The following MYO1H variants were observed in gnomAD, a reference collection of about 807,000 sequenced individuals.
MYO1H encodes the protein myosin IH.
Under a neutral mutation model 149.3 loss-of-function variants are expected in MYO1H, and 118 were observed. The ratio of observed to expected loss-of-function variants is 0.79; its 90% confidence interval spans 0.68 to 0.92. The LOEUF (loss-of-function observed/expected upper bound fraction) is 0.92, where lower values mean the gene tolerates loss of function less well. MYO1H is among the 40% of genes least tolerant of loss of function. MYO1H has a pLI of 0.00. For missense variants in MYO1H, 1,212 were observed against 1,280.7 expected (o/e 0.95, Z 0.82); for synonymous variants, 447 against 465.2 (o/e 0.96, Z 0.50).
At chr12:109,344,875 G>A (rs546551125), upstream of MYO1H, among the ~76,000 whole-genome samples, 5 of 152,204 alleles carry the variant, frequency 3.3e-5, no homozygotes, top group Admixed American at 6.5e-5. Context: ...ACTCAATGGG[G>A]GAAAGAATAA....
At chr12:109,375,795 T>C (rs1472391828) in intron 1 of MYO1H, among the ~76,000 whole-genome samples, 1 of 152,018 alleles carries the variant, frequency 6.6e-6, no homozygotes, top group African/African-American at 2.4e-5. Context: ...CTGGGCAATA[T>C]GGCAAAACCC....
intron 14 of MYO1H, among the ~76,000 whole-genome samples, chr12:109,413,716 C>A (rs1398634494): frequency 6.6e-6 from 1 of 152,094 alleles, no homozygotes; most frequent in Non-Finnish European, 1.5e-5. Context: ...TCAAGACCAG[C>A]CTGACCAACA....
chr12:109,392,368 C>T (rs6606706), intron 2 of MYO1H, among the ~76,000 whole-genome samples: 75,483 of 151,754 alleles, frequency 0.5, 19,416 homozygotes, highest in African/African-American at 0.62. Context: ...GCCCTTCCTG[C>T]CTACTTTGTT....
intron 7 of MYO1H, among the ~76,000 whole-genome samples, chr12:109,404,989 T>C (rs1327692741): frequency 6.6e-6 from 1 of 151,910 alleles, no homozygotes; most frequent in African/African-American, 2.4e-5. Flanking sequence ...GGTGGAGAAA[T>C]CACTTGAGGC....
intron 11 of MYO1H, 100 bp downstream of exon 11, chr12:109,409,724 T>A: frequency 9.5e-7 from 1 of 1,048,658 alleles, no homozygotes; most frequent in Non-Finnish European, 1.5e-6. Context: ...GATTTCCCTG[T>A]CCCCAGAAAG....
chr12:109,401,144 G>GT lies in MYO1H; in HGVS notation c.624dup (p.Val209CysfsTer38), dbSNP rs890186155. On this transcript the variant is annotated frameshift_variant, in exon 6 of 32. Coordinates refer to ENST00000310903, the Ensembl canonical transcript of MYO1H. LOFTEE classifies it high-confidence loss of function. The stretch of plus-strand genomic sequence containing the variant: ...CAGTTACTTGATAGAGAAGTCCCGA[G>GT]TTGTCTACCAAAACGAAGGCGAGCG... 7 of 1,613,848 alleles carry GT rather than the reference G, an allele frequency of 4.3e-6. No individual in the cohort carries two copies. The Admixed American group carries it at 8.3e-5, about 19-fold the overall frequency.
chr12:109,439,952 T>C (rs1452505503), intron 24 of MYO1H, among the ~76,000 whole-genome samples, 162 bp downstream of exon 24: 2 of 152,180 alleles, frequency 1.3e-5, no homozygotes, highest in African/African-American at 4.8e-5. Flanking sequence ...TCCTCAGAAT[T>C]TGCGATGTCC....
chr12:109,419,021 TAC>T (rs1871053187), intron 15 of MYO1H, among the ~76,000 whole-genome samples: 1 of 152,140 alleles, frequency 6.6e-6, no homozygotes, highest in Non-Finnish European at 1.5e-5. Context: ...ATAAAGATAA[TAC>T]ACATGTAGAG....
intron 22 of MYO1H, among the ~76,000 whole-genome samples, chr12:109,437,557 C>T (rs1871914631): frequency 2.0e-5 from 3 of 152,100 alleles, no homozygotes; most frequent in Non-Finnish European, 4.4e-5. Flanking sequence ...GCCATGGTAG[C>T]AGGAAAGTAG....
chr12:109,395,914 ATGT>A (rs142541282), intron 3 of MYO1H, among the ~76,000 whole-genome samples: 9 of 116,384 alleles, frequency 7.7e-5, no homozygotes, highest in African/African-American at 1.6e-4. Context: ...GTTGTTGTTG[ATGT>A]TGTTGTTGTT....
the MYO1H span, among the ~76,000 whole-genome samples, chr12:109,319,120 A>G: frequency 6.6e-6 from 1 of 152,030 alleles, no homozygotes. Flanking sequence ...AGATATTTGC[A>G]TACTCATGTT....
chr12:109,385,290 CTTTCT>C (rs955895999), intron 1 of MYO1H, among the ~76,000 whole-genome samples: 3 of 142,002 alleles, frequency 2.1e-5, no homozygotes, highest in Admixed American at 7.8e-5. Flanking sequence ...TTTTTTCTTT[CTTTCT>C]TTTCTTTTTT....
intron 15 of MYO1H, among the ~76,000 whole-genome samples, chr12:109,418,751 G>A (rs927565373): frequency 6.6e-6 from 1 of 151,824 alleles, no homozygotes; most frequent in Non-Finnish European, 1.5e-5. Flanking sequence ...TCACCATGTT[G>A]GCCAAGATGG....
At chr12:109,429,595 T>C (rs943111893) in intron 19 of MYO1H, among the ~76,000 whole-genome samples, 1 of 152,182 alleles carries the variant, frequency 6.6e-6, no homozygotes, top group African/African-American at 2.4e-5. Context: ...CATTTTTTAT[T>C]AGAGACTTGA....
In MYO1H at chr12:109,398,693, T is replaced by C. The variant is rs1870019298; in HGVS notation, c.570+881T>C. On this transcript the variant is annotated intron_variant, in intron 5 of 31. Transcript: ENST00000310903. ...TGAACCTGGGAGGTGGAGGTTGCAG[T>C]TGGCACCACTGCACTCCAGCCCGGG... Among the ~76,000 whole-genome samples, 3 of 142,366 alleles carry C rather than the reference T, an allele frequency of 2.1e-5. No individual in the cohort carries two copies. The South Asian group carries it at 6.7e-4, about 32-fold the overall frequency. The allele number at this position is 142,366 out of a possible 152,430, so 93.4% of individuals were successfully genotyped here. A position where few individuals can be genotyped will look rare whatever the true frequency, so the allele number is the denominator to read the frequency against.
Position 109,444,422 on chromosome 12 carries a change from C to T in MYO1H, c.2896-10C>T. The T allele has an allele frequency of 6.2e-7, 1 of 1,611,516 alleles. No individual in the cohort carries two copies. Among genetic ancestry groups the T allele is most frequent in the East Asian group, 2.2e-5 (1 of 44,856 alleles). The stretch of plus-strand genomic sequence containing the variant: ...TACTGAAATTATGCCTTGTCTCCTC[C>T]CCACCCCAGGGGGATGCCGTTTTGC... On this transcript the variant is annotated splice_polypyrimidine_tract_variant and intron_variant, in intron 29 of 31. Coordinates refer to ENST00000310903, the Ensembl canonical transcript of MYO1H.
chr12:109,400,838 T>G (rs1175309399), intron 5 of MYO1H, among the ~76,000 whole-genome samples: 1 of 152,176 alleles, frequency 6.6e-6, no homozygotes, highest in African/African-American at 2.4e-5. Flanking sequence ...TAGTGAGGGA[T>G]CATTATCCTA....
rs1566045233 is a variant in MYO1H, at chr12:109,443,237, CGTATATGTGTGT to C, written c.2689-266_2689-255del. 2.7e-5 allele frequency among the ~76,000 whole-genome samples: 2 copies of C among 74,716 alleles called. 1 individual carries two copies. Among genetic ancestry groups the C allele is most frequent in the Non-Finnish European group, 5.8e-5 (2 of 34,588 alleles). The allele number at this position is 74,716 out of a possible 152,430, so 49.0% of individuals were successfully genotyped here. On this transcript the variant is annotated intron_variant, in intron 27 of 31. Coordinates refer to ENST00000310903, the Ensembl canonical transcript of MYO1H. Reference sequence around the variant, plus strand: ...ACGTATATGTGTGTGTATATGTGTACGTATATGTGTGTGTATATGTGTACGTATATGTGTGTG... The same window carrying C: ...ACGTATATGTGTGTGTATATGTGTACGTATATGTGTACGTATATGTGTGTG...
the MYO1H span, among the ~76,000 whole-genome samples, chr12:109,318,313 T>C: frequency 6.6e-6 from 1 of 152,204 alleles, no homozygotes. Context: ...AATTTATAAA[T>C]ATTCCTTATA....
Sources: allele counts gnomAD v4.1 joint callset (sites outside exome capture counted in the v4.1 genomes callset), GRCh38; gene constraint gnomAD v4.1.1; transcripts MANE v1.5; gene names NCBI Gene and HGNC (gene_info 2026-07-23, HGNC 2026-07-21).